Variants in SEMA6D observed in about 807,000 individuals in gnomAD.
The protein encoded by SEMA6D is semaphorin-6D.
A neutral mutation model predicts 106.6 loss-of-function variants in SEMA6D; 35 were observed. The ratio of observed to expected loss-of-function variants is 0.33; its 90% CI spans 0.25 to 0.44. The LOEUF is 0.44. Ranked by LOEUF, SEMA6D falls within the 20% of genes least tolerant of loss-of-function variation. SEMA6D has a pLI of 1.00. For synonymous variants in SEMA6D, 499 were observed against 487.7 expected (o/e 1.02, Z -0.31); for missense variants, 1,185 against 1,345.9 (o/e 0.88, Z 1.87).
intron 1 of SEMA6D, among the ~76,000 whole-genome samples, chr15:47,406,816 T>C (rs1217224005): frequency 6.6e-6 from 1 of 150,674 alleles, no homozygotes; most frequent in Non-Finnish European, 1.5e-5. Context: ...TGTGAGGTGA[T>C]AGATAATGGA....
chr15:47,338,457 G>T (rs919944559), intron 1 of SEMA6D, among the ~76,000 whole-genome samples: 2 of 152,076 alleles, frequency 1.3e-5, no homozygotes, highest in Non-Finnish European at 2.9e-5. Context: ...CACATTACAT[G>T]CCTGTATCAA....
intron 3 of SEMA6D, among the ~76,000 whole-genome samples, chr15:47,534,625 A>G (rs1431209571): frequency 6.6e-6 from 1 of 152,224 alleles, no homozygotes; most frequent in Non-Finnish European, 1.5e-5. Flanking sequence ...ACAAATGCTC[A>G]TGTAAATAAG....
intron 1 of SEMA6D, among the ~76,000 whole-genome samples, chr15:47,286,491 G>A (rs139395803): frequency 1.1e-3 from 165 of 152,090 alleles, no homozygotes; most frequent in African/African-American, 3.5e-3. Flanking sequence ...GCTATTTTCC[G>A]AAAGAAAAAT....
rs117296525 is a variant in SEMA6D, at chr15:47,437,431, A to G, written c.-159+24959A>G. ...ATTAGTCATCTACAAGCATGTCAGA[A>G]AAGTTTTTGAATACTCAGTTCCTGC... On this transcript the variant is annotated intron_variant, in intron 2 of 19. Coordinates refer to the SEMA6D transcript ENST00000558014. Among the ~76,000 whole-genome samples the G allele has an allele frequency of 2.6e-5, 4 of 152,262 alleles. No individual in the cohort carries two copies. In the East Asian group the frequency reaches 7.8e-4, roughly 30 times the overall value.
intron 1 of SEMA6D, among the ~76,000 whole-genome samples, chr15:47,301,869 G>A (rs1450867565): frequency 6.6e-6 from 1 of 152,220 alleles, no homozygotes; most frequent in African/African-American, 2.4e-5. Flanking sequence ...CTGAAGGAGA[G>A]AAAAGCAGCA....
At chr15:47,478,953 CT>C (rs943593927) in intron 3 of SEMA6D, among the ~76,000 whole-genome samples, 5 of 151,992 alleles carry the variant, frequency 3.3e-5, no homozygotes, top group African/African-American at 1.2e-4. Context: ...TCTCATGAGA[CT>C]TATTTATTCA....
At chr15:47,447,014 C>T (rs901741745) in intron 2 of SEMA6D, among the ~76,000 whole-genome samples, 3 of 152,094 alleles carry the variant, frequency 2.0e-5, no homozygotes, top group Non-Finnish European at 4.4e-5. Context: ...TTTTCCTTGC[C>T]TCATGCCTGG....
At chr15:47,352,405 A>G (rs1333692633) in intron 1 of SEMA6D, among the ~76,000 whole-genome samples, 2 of 152,122 alleles carry the variant, frequency 1.3e-5, no homozygotes, top group African/African-American at 4.8e-5. Context: ...TATCTTTACT[A>G]CCCTGCCTTG....
chr15:47,611,173 ACACACACACACACGCATG>A (rs2076895869), intron 4 of SEMA6D, among the ~76,000 whole-genome samples: 1 of 151,834 alleles, frequency 6.6e-6, no homozygotes, highest in Admixed American at 6.6e-5. Context: ...ACACACACAC[ACACACACACACACGCATG>A]CACACAAGCA....
At chr15:47,697,833 C>T (rs1456835813) in intron 4 of SEMA6D, among the ~76,000 whole-genome samples, 1 of 152,236 alleles carries the variant, frequency 6.6e-6, no homozygotes, top group Non-Finnish European at 1.5e-5. Context: ...CGTACACCAC[C>T]ATCTCATGTC....
chr15:47,658,120 A>T (rs952460993), intron 4 of SEMA6D, among the ~76,000 whole-genome samples: 14 of 152,222 alleles, frequency 9.2e-5, no homozygotes, highest in African/African-American at 3.4e-4. Context: ...TTGGTTTGAG[A>T]TATTTTTATG....
intron 2 of SEMA6D, among the ~76,000 whole-genome samples, chr15:47,425,268 C>T (rs1482889238): frequency 6.6e-6 from 1 of 152,050 alleles, no homozygotes; most frequent in South Asian, 2.1e-4. Flanking sequence ...AAAAAGTTTC[C>T]TCAGCGAGAT....
intron 1 of SEMA6D, among the ~76,000 whole-genome samples, chr15:47,342,040 T>C (rs941723678): frequency 3.9e-5 from 6 of 152,120 alleles, no homozygotes; most frequent in African/African-American, 1.4e-4. Flanking sequence ...TTTTGTTTGT[T>C]TGTTTGTTTG....
chr15:47,518,693 T>C (rs560503414), intron 3 of SEMA6D, among the ~76,000 whole-genome samples: 1 of 152,262 alleles, frequency 6.6e-6, no homozygotes, highest in Non-Finnish European at 1.5e-5. Flanking sequence ...TGAATGAAGG[T>C]AGCTGGACTG....
chr15:47,268,529 T>A (rs1262322951), intron 1 of SEMA6D, among the ~76,000 whole-genome samples: 9 of 152,104 alleles, frequency 5.9e-5, no homozygotes, highest in Non-Finnish European at 5.9e-5. Context: ...TGGGTTCAGA[T>A]CTTTCTTTTG....
intron 2 of SEMA6D, among the ~76,000 whole-genome samples, chr15:47,420,253 A>C (rs2041109600): frequency 1.3e-5 from 2 of 152,100 alleles, no homozygotes; most frequent in Non-Finnish European, 2.9e-5. Context: ...TTCCTTCAAC[A>C]GTAGAACATT....
At chr15:47,267,314 T>C (rs973498018) in intron 1 of SEMA6D, among the ~76,000 whole-genome samples, 2 of 152,020 alleles carry the variant, frequency 1.3e-5, no homozygotes, top group Non-Finnish European at 2.9e-5. Flanking sequence ...TCTTTTTTTT[T>C]CTCTTTCTAC....
chr15:47,579,794 G>A (rs530983579), intron 3 of SEMA6D, among the ~76,000 whole-genome samples: 1 of 152,050 alleles, frequency 6.6e-6, no homozygotes, highest in Non-Finnish European at 1.5e-5. Context: ...TAATTACTTT[G>A]CCACTCCACT....
rs572388813 is a variant in SEMA6D, at chr15:47,296,415, G to A, written c.-239+111997G>A. 1.2e-4 allele frequency among the ~76,000 whole-genome samples: 18 copies of A among 152,238 alleles called. No individual in the cohort carries two copies. The South Asian group carries it at 3.7e-3, about 32-fold the overall frequency. On this transcript the variant is annotated intron_variant, in intron 1 of 19. Transcript: ENST00000558014. ...GAAAAATCAATACAACATAAGTGTG[G>A]CATGCTGAAAATTAAACAGTCACAA...
Sources: gnomAD v4.1 joint callset for allele counts (sites outside exome capture counted in the v4.1 genomes callset) on GRCh38, gnomAD v4.1.1 for gene constraint, MANE v1.5 for transcripts, NCBI Gene and HGNC (gene_info 2026-07-23, HGNC 2026-07-21) for gene names.